The following ZNF75D variants were observed in gnomAD, a reference collection of about 807,000 sequenced individuals.
ZNF75D encodes the protein zinc finger protein 75D.
In ZNF75D, 33 loss-of-function variants were observed where a neutral mutation model predicts 33.3. The observed-to-expected ratio is 0.99, with a 90% CI of 0.75 to 1.32. ZNF75D has a LOEUF of 1.32. ZNF75D is among the 40% of genes most tolerant of loss of function. The pLI, the probability that ZNF75D is intolerant of heterozygous loss-of-function variation, is 0.00. For missense variants in ZNF75D, 338 were observed against 367.5 expected (o/e 0.92, Z 0.66); for synonymous variants, 113 against 130.6 (o/e 0.87, Z 0.92).
At chrX:135,278,573 A>C in intron 1 of ZNF75D, among the ~76,000 whole-genome samples, 1 of 112,017 alleles carries the variant, frequency 8.9e-6, no homozygotes, top group Non-Finnish European at 1.9e-5. Flanking sequence ...GGTGGTTTTC[A>C]AAGGGAATGC....
At chrX:135,258,126 T>C (rs1556414698) in intron 1 of ZNF75D, among the ~76,000 whole-genome samples, 3 of 103,186 alleles carry the variant, frequency 2.9e-5, no homozygotes, top group African/African-American at 9.9e-5. Context: ...TCCATGTCCC[T>C]ACAAAGGACA....
intron 1 of ZNF75D, among the ~76,000 whole-genome samples, chrX:135,323,071 A>G (rs1556435530): frequency 8.9e-6 from 1 of 112,263 alleles, no homozygotes; most frequent in Non-Finnish European, 1.9e-5. Context: ...TCTGTTGTAT[A>G]TAGTATTTTA....
At position 135,292,196 on chromosome X, in the gene ZNF75D, C is replaced by T. The variant is rs880003652; in HGVS notation, c.604+85G>A. 3.2e-4 allele frequency: 311 copies of T among 982,124 alleles called. No individual in the cohort carries two copies. The Middle Eastern group carries it at 3.6e-3, about 11-fold the overall frequency. 80.9% of individuals were successfully genotyped at this position (982,124 alleles called of 1,213,427 possible). A position where few individuals can be genotyped will look rare whatever the true frequency, so the allele number is the denominator to read the frequency against. ...CATCATAGCTGCTAGCATGGCTGGCCACCTGGAAAATTCCCAGGACATTCT... is the reference window on the plus strand; with the variant it reads ...CATCATAGCTGCTAGCATGGCTGGCTACCTGGAAAATTCCCAGGACATTCT... On this transcript the variant is annotated intron_variant, in intron 4 of 6. Coordinates refer to ENST00000370766, the MANE Select transcript of ZNF75D (RefSeq NM_007131.5).
rs782703186 is a variant in ZNF75D, at chrX:135,326,881, C to G, written c.-391+14887G>C. 4.5e-5 allele frequency among the ~76,000 whole-genome samples: 5 copies of G among 112,309 alleles called. No individual in the cohort carries two copies. The South Asian group carries it at 1.9e-3, about 42-fold the overall frequency. On this transcript the variant is annotated intron_variant, in intron 1 of 6. Transcript: ENST00000370766. Reference sequence around the variant, plus strand: ...ACATCCGAACATCAGAAGGAACAAACTCCAGACGCGCCACCTTAAGAGCTA... The same window carrying G: ...ACATCCGAACATCAGAAGGAACAAAGTCCAGACGCGCCACCTTAAGAGCTA...
intron 1 of ZNF75D, among the ~76,000 whole-genome samples, chrX:135,263,811 T>C (rs1476174568): frequency 1.8e-5 from 2 of 112,872 alleles, no homozygotes; most frequent in South Asian, 7.2e-4. Context: ...GCTCGCCCTC[T>C]GTGGGCTGCA....
At chrX:135,282,975 T>C (rs2083926217), downstream of ZNF75D, among the ~76,000 whole-genome samples, 1 of 105,934 alleles carries the variant, frequency 9.4e-6, no homozygotes, top group Non-Finnish European at 2.0e-5. Flanking sequence ...TATGGTCAAC[T>C]AATCATCCCA....
At chrX:135,290,950 T>A in intron 6 of ZNF75D, 59 bp downstream of exon 6, 1 of 1,115,792 alleles carries the variant, frequency 9.0e-7, no homozygotes, top group Non-Finnish European at 1.2e-6. Context: ...GCATTTTCCA[T>A]AAACAGAGGA....
chrX:135,283,001 T>C (rs1346858061), downstream of ZNF75D, among the ~76,000 whole-genome samples: 4 of 111,925 alleles, frequency 3.6e-5, no homozygotes, highest in Admixed American at 1.9e-4. Flanking sequence ...CACACTGAGA[T>C]ACACAGAGCC....
chrX:135,291,272 G>T, intron 5 of ZNF75D, 137 bp from the exon 6 acceptor site: 1 of 865,149 alleles, frequency 1.2e-6, no homozygotes, highest in Non-Finnish European at 1.6e-6. Flanking sequence ...TGAGAAGGCA[G>T]AAAGGAAGGA....
rs782133232 is a variant in ZNF75D, at chrX:135,268,074, T to TA, written n.828-12298dup. 4.8e-5 allele frequency among the ~76,000 whole-genome samples: 5 copies of TA among 104,305 alleles called. No homozygotes were observed. The East Asian group carries it at 1.5e-3, about 31-fold the overall frequency. The allele number at this position is 104,305 out of a possible 115,157, so 90.6% of individuals were successfully genotyped here. A position where few individuals can be genotyped will look rare whatever the true frequency, so the allele number is the denominator to read the frequency against. On this transcript the variant is annotated intron_variant and non_coding_transcript_variant, in intron 1 of 3. Transcript: ENST00000494295. ...TCATAAAGTCCATATTTCTTCATGG[T>TA]AAAAATCCTCAAAAGCTGGATATAG...
At chrX:135,317,031 T>C (rs1275827193) in intron 1 of ZNF75D, among the ~76,000 whole-genome samples, 1 of 111,474 alleles carries the variant, frequency 9.0e-6, no homozygotes, top group Non-Finnish European at 1.9e-5. Flanking sequence ...CATGTTTCCT[T>C]GCTTTTTCGT....
chrX:135,321,798 A>G (rs1342179233), intron 1 of ZNF75D, among the ~76,000 whole-genome samples: 2 of 112,060 alleles, frequency 1.8e-5, no homozygotes, highest in Non-Finnish European at 3.8e-5. Flanking sequence ...AATTTTAGTT[A>G]TAATAGCCAC....
intron 1 of ZNF75D, among the ~76,000 whole-genome samples, chrX:135,338,319 T>G (rs1407577288): frequency 9.0e-6 from 1 of 111,646 alleles, no homozygotes; most frequent in East Asian, 2.8e-4. Flanking sequence ...CTGAGGGCAC[T>G]GTATACCTGA....
At chrX:135,291,696 A>C in intron 4 of ZNF75D, 133 bp from the exon 5 acceptor site, 1 of 914,928 alleles carries the variant, frequency 1.1e-6, no homozygotes, top group East Asian at 3.5e-5. Flanking sequence ...GTGTGGTGCC[A>C]AGAAGTGGCC....
chrX:135,327,766 G>A (rs553414364), intron 1 of ZNF75D: 2 of 111,747 alleles, frequency 1.8e-5, no homozygotes, highest in Admixed American at 1.9e-4. Context: ...AGGTCCACTG[G>A]GCAATGATCA....
Position 135,309,825 on chromosome X carries a change from G to A in ZNF75D, c.-390-13786C>T, listed in dbSNP as rs782594775. ...TTTCACTCCTTTGGGTTGGATGTGT[G>A]TTTGCTGACAGGGCTTACTTGGGTT... On this transcript the variant is annotated intron_variant, in intron 1 of 6. Transcript: ENST00000370766. Among the ~76,000 whole-genome samples, 6 of 111,974 alleles carry A rather than the reference G, an allele frequency of 5.4e-5. No individual in the cohort carries two copies. The South Asian group carries it at 1.9e-3, about 35-fold the overall frequency.
At chrX:135,320,376 CCTTAATT>C (rs1556433760) in intron 1 of ZNF75D, among the ~76,000 whole-genome samples, 1 of 110,816 alleles carries the variant, frequency 9.0e-6, no homozygotes, top group African/African-American at 3.3e-5. Context: ...AGCAGAATAT[CCTTAATT>C]CTTAAGGCAT....
At position 135,293,928 on chromosome X, in the gene ZNF75D, C is replaced by T; in HGVS notation, c.213G>A (p.Gln71=). Residue 71 remains glutamine, a synonymous_variant, in exon 3 of 7, where the codon CAG becomes CAA. Coordinates refer to ENST00000370766, the MANE Select transcript of ZNF75D (RefSeq NM_007131.5). Reference sequence around the variant, plus strand: ...GCCTCAGCCACTGATGGCACAATTTCTGAAGTTGGCTGATAGTCTCAAGCG... The same window carrying T: ...GCCTCAGCCACTGATGGCACAATTTTTGAAGTTGGCTGATAGTCTCAAGCG... ...TGPLETISQL[Q]KLCHQWLRPE... 1 of 1,209,655 alleles carries T rather than the reference C, an allele frequency of 8.3e-7. No homozygotes were observed.
chrX:135,312,153 A>T (rs1556428578), intron 1 of ZNF75D, among the ~76,000 whole-genome samples: 1 of 111,129 alleles, frequency 9.0e-6, no homozygotes, highest in African/African-American at 3.3e-5. Flanking sequence ...CTTCCTACCA[A>T]CACACCCTTC....
Sources: gnomAD v4.1 joint callset for allele counts (sites outside exome capture counted in the v4.1 genomes callset) on GRCh38, gnomAD v4.1.1 for gene constraint, MANE v1.5 for transcripts, NCBI Gene and HGNC (gene_info 2026-07-23, HGNC 2026-07-21) for gene names.